SLC8A1: variants seen among roughly 807,000 people sequenced by gnomAD.
SLC8A1 encodes the protein solute carrier family 8 member A1, also known as sodium/calcium exchanger 1.
Under a neutral mutation model 68.3 loss-of-function variants are expected in SLC8A1, and 18 were observed. The ratio of observed to expected loss-of-function variants is 0.26; its 90% CI spans 0.18 to 0.39. The LOEUF (loss-of-function observed/expected upper bound fraction) is 0.39. Among genes scored for constraint, SLC8A1 ranks in the 10% least tolerant of loss-of-function variants. The probability of loss-of-function intolerance (pLI) is 1.00; values close to 1 mark genes in which losing one functional copy is unlikely to be tolerated. For synonymous variants in SLC8A1, 475 were observed against 415.5 expected (o/e 1.14, Z -1.74); for missense variants, 985 against 1,156.7 (o/e 0.85, Z 2.15).
intron 1 of SLC8A1, among the ~76,000 whole-genome samples, chr2:40,448,664 AACGTTTGCC>A (rs1252217429): frequency 6.6e-6 from 1 of 152,214 alleles, no homozygotes; most frequent in Non-Finnish European, 1.5e-5. Flanking sequence ...AGTCAGGCAG[AACGTTTGCC>A]ACAAGAGGGA....
chr2:40,357,060 T>A (rs924279236), intron 2 of SLC8A1, among the ~76,000 whole-genome samples: 3 of 152,188 alleles, frequency 2.0e-5, no homozygotes, highest in Admixed American at 6.5e-5. Flanking sequence ...CAAGAAGAAC[T>A]TTTACGAATG....
intron 2 of SLC8A1, among the ~76,000 whole-genome samples, chr2:40,400,727 T>C (rs554749874): frequency 6.6e-6 from 1 of 152,198 alleles, no homozygotes; most frequent in East Asian, 1.9e-4. Flanking sequence ...CCAGTTCCCT[T>C]GCAAGATGGG....
chr2:40,219,055 A>G (rs2057927192), intron 2 of SLC8A1, among the ~76,000 whole-genome samples: 2 of 30,420 alleles, frequency 6.6e-5, no homozygotes, highest in South Asian at 1.1e-3. Context: ...TATAATCTCC[A>G]TAATCATAAA....
chr2:40,178,840 A>G (rs2048939392), intron 2 of SLC8A1, among the ~76,000 whole-genome samples: 1 of 152,204 alleles, frequency 6.6e-6, no homozygotes, highest in African/African-American at 2.4e-5. Context: ...TGCCTTAACC[A>G]TTGGATTGTC....
chr2:40,161,207 G>C lies in SLC8A1; in HGVS notation c.2062-343C>G, dbSNP rs80177418. Among the ~76,000 whole-genome samples, 2,048 of 152,244 alleles carry C rather than the reference G, an allele frequency of 0.013. 126 individuals are homozygous for C. In the East Asian group the frequency reaches 0.19, roughly 14 times the overall value. ...CTGCTGGTTTCATCTGTAGTGTTTC[G>C]TCTGCAAGTGAATTAACATATGCCC... On this transcript the variant is annotated intron_variant, in intron 5 of 7. Transcript: ENST00000406785.
At chr2:40,159,114 G>T (rs972890960) in intron 6 of SLC8A1, among the ~76,000 whole-genome samples, 2 of 152,082 alleles carry the variant, frequency 1.3e-5, no homozygotes, top group African/African-American at 4.8e-5. Flanking sequence ...CTATTGATGG[G>T]GTCATCTCGG....
At chr2:40,217,973 T>C (rs1037362969) in intron 2 of SLC8A1, among the ~76,000 whole-genome samples, 3 of 152,114 alleles carry the variant, frequency 2.0e-5, no homozygotes, top group African/African-American at 7.2e-5. Context: ...TGTGAAGGCA[T>C]GCATTTGCAT....
upstream of SLC8A1, among the ~76,000 whole-genome samples, chr2:40,454,809 T>A (rs1156673032): frequency 6.6e-6 from 1 of 151,932 alleles, no homozygotes; most frequent in African/African-American, 2.4e-5. Flanking sequence ...CATGAGTGAG[T>A]TTTTATTGCG....
In SLC8A1 at chr2:40,296,869, A is replaced by G. The variant is rs561961098; in HGVS notation, c.1809-119014T>C. Among the ~76,000 whole-genome samples the G allele has an allele frequency of 4.6e-5, 7 of 152,266 alleles. No homozygotes were observed. The South Asian group carries it at 1.5e-3, about 32-fold the overall frequency. On this transcript the variant is annotated intron_variant, in intron 2 of 7. Coordinates refer to ENST00000406785, the Ensembl canonical transcript of SLC8A1. ...TTTTCACCCAGGTAGTTGACAAAGCATTGGATGCACCTAGCCAAGGACTGT... is the reference window on the plus strand; with the variant it reads ...TTTTCACCCAGGTAGTTGACAAAGCGTTGGATGCACCTAGCCAAGGACTGT...
intron 2 of SLC8A1, among the ~76,000 whole-genome samples, chr2:40,233,774 T>A (rs2059995641): frequency 6.6e-6 from 1 of 151,934 alleles, no homozygotes; most frequent in South Asian, 2.1e-4. Context: ...GATTTTTGTA[T>A]AAGGTGTCAG....
At chr2:40,496,329 A>G (rs1444138455) in intron 1 of SLC8A1, among the ~76,000 whole-genome samples, 1 of 152,132 alleles carries the variant, frequency 6.6e-6, no homozygotes, top group Non-Finnish European at 1.5e-5. Context: ...TTATCTGATT[A>G]AAATTCATTT....
chr2:40,398,471 T>C (rs955268894), intron 2 of SLC8A1, among the ~76,000 whole-genome samples: 1 of 152,228 alleles, frequency 6.6e-6, no homozygotes, highest in African/African-American at 2.4e-5. Context: ...TACAATTTCA[T>C]TATAAAAAGC....
At chr2:40,281,544 TC>T (rs1288473028) in intron 2 of SLC8A1, among the ~76,000 whole-genome samples, 1 of 152,170 alleles carries the variant, frequency 6.6e-6, no homozygotes, top group Non-Finnish European at 1.5e-5. Context: ...CAACTTGCAC[TC>T]GTGAAAGTTA....
intron 2 of SLC8A1, among the ~76,000 whole-genome samples, chr2:40,342,860 T>C (rs1413829551): frequency 6.6e-6 from 1 of 152,114 alleles, no homozygotes; most frequent in Non-Finnish European, 1.5e-5. Context: ...AAATAGAGTA[T>C]TCGGGGTTCT....
At chr2:40,355,462 T>C (rs2149459806) in intron 2 of SLC8A1, among the ~76,000 whole-genome samples, 1 of 152,192 alleles carries the variant, frequency 6.6e-6, no homozygotes, top group South Asian at 2.1e-4. Context: ...TCAAGGGCAC[T>C]GTTGGAGGGG....
chr2:40,251,932 C>G (rs1249926036), intron 2 of SLC8A1, among the ~76,000 whole-genome samples: 1 of 151,414 alleles, frequency 6.6e-6, no homozygotes. Context: ...AGTCTCAGTT[C>G]CCCAAAATGT....
At chr2:40,378,479 A>T (rs1680672732) in intron 2 of SLC8A1, among the ~76,000 whole-genome samples, 1 of 152,118 alleles carries the variant, frequency 6.6e-6, no homozygotes, top group African/African-American at 2.4e-5. Flanking sequence ...TCTGACAGGT[A>T]ACAGGAGGCC....
intron 6 of SLC8A1, among the ~76,000 whole-genome samples, chr2:40,147,678 T>C (rs2042710409): frequency 6.6e-6 from 1 of 152,200 alleles, no homozygotes; most frequent in South Asian, 2.1e-4. Flanking sequence ...GATAACCCTA[T>C]AATTTTTAAC....
chr2:40,276,781 T>C (rs1481780740), intron 2 of SLC8A1, among the ~76,000 whole-genome samples: 1 of 152,240 alleles, frequency 6.6e-6, no homozygotes, highest in Non-Finnish European at 1.5e-5. Flanking sequence ...GTTGCAAGAA[T>C]TCTTTATTTC....
Sources: allele counts gnomAD v4.1 joint callset (sites outside exome capture counted in the v4.1 genomes callset), GRCh38; gene constraint gnomAD v4.1.1; transcripts MANE v1.5; gene names NCBI Gene and HGNC (gene_info 2026-07-23, HGNC 2026-07-21).